CSTPP1: variants seen among roughly 807,000 people sequenced by gnomAD.
The protein encoded by CSTPP1 is centriolar satellite-associated tubulin polyglutamylase complex regulator 1.
the CSTPP1 span, among the ~76,000 whole-genome samples, chr11:47,133,517 C>G: frequency 6.6e-6 from 1 of 152,222 alleles, no homozygotes; most frequent in African/African-American, 2.4e-5. Flanking sequence ...ACGGTGTGGC[C>G]ACCAGCACAG....
At chr11:47,079,313 A>G in the CSTPP1 span, among the ~76,000 whole-genome samples, 1 of 152,212 alleles carries the variant, frequency 6.6e-6, no homozygotes, top group African/African-American at 2.4e-5. Flanking sequence ...GCAGAAGAGA[A>G]GTGACATCAT....
the CSTPP1 span, among the ~76,000 whole-genome samples, chr11:47,119,780 T>G: frequency 6.6e-6 from 1 of 151,832 alleles, no homozygotes; most frequent in South Asian, 2.1e-4. Context: ...CCCAGCTAAT[T>G]TTGTATTTTT....
At chr11:47,013,477 C>G in the CSTPP1 span, among the ~76,000 whole-genome samples, 1 of 152,170 alleles carries the variant, frequency 6.6e-6, no homozygotes, top group African/African-American at 2.4e-5. Context: ...TCATCTCCCA[C>G]TTGTAAGTGA....
At chr11:47,161,010 G>C in the CSTPP1 span, 7 of 1,339,490 alleles carry the variant, frequency 5.2e-6, no homozygotes, top group Non-Finnish European at 6.3e-6. Context: ...CAGATCTTTA[G>C]ATCGGCCCTC....
At chr11:47,155,244 T>A in the CSTPP1 span, 1 of 1,613,812 alleles carries the variant, frequency 6.2e-7, no homozygotes, top group East Asian at 2.2e-5. Context: ...GCCTTCCAGA[T>A]CCAGTTTTAC....
chr11:47,135,318 C>A, the CSTPP1 span, among the ~76,000 whole-genome samples: 1 of 152,050 alleles, frequency 6.6e-6, no homozygotes, highest in Non-Finnish European at 1.5e-5. Flanking sequence ...GTGTCAGTGT[C>A]ACTTGCATTT....
chr11:47,141,086 A>G, the CSTPP1 span, among the ~76,000 whole-genome samples: 1 of 152,180 alleles, frequency 6.6e-6, no homozygotes, highest in Non-Finnish European at 1.5e-5. Flanking sequence ...TTTCTTTTTA[A>G]CAGCTTTTTG....
At chr11:47,043,685 T>G in the CSTPP1 span, among the ~76,000 whole-genome samples, 1 of 152,086 alleles carries the variant, frequency 6.6e-6, no homozygotes, top group Non-Finnish European at 1.5e-5. Context: ...ACAAAAATAG[T>G]TGAACATTTA....
chr11:47,149,947 A>G, the CSTPP1 span, among the ~76,000 whole-genome samples: 1 of 152,034 alleles, frequency 6.6e-6, no homozygotes, highest in Non-Finnish European at 1.5e-5. Context: ...CCTAGAACTA[A>G]GCAGCTTGAA....
chr11:47,031,696 C>CTTTTTTTTTTTTTTTTTT, the CSTPP1 span, among the ~76,000 whole-genome samples: 1 of 136,068 alleles, frequency 7.3e-6, no homozygotes. Flanking sequence ...AACCCCATCT[C>CTTTTTTTTTTTTTTTTTT]TTTTTTTTTT....
chr11:47,157,307 C>T, the CSTPP1 span: 48 of 1,392,636 alleles, frequency 3.4e-5, no homozygotes, highest in Middle Eastern at 2.6e-4. Context: ...ATGTTCTGCG[C>T]GGCCCAGGCA....
the CSTPP1 span, among the ~76,000 whole-genome samples, chr11:46,947,812 G>A: frequency 6.6e-6 from 1 of 152,130 alleles, no homozygotes; most frequent in African/African-American, 2.4e-5. Context: ...TTGTGCCCCA[G>A]GACTTCAGAT....
At chr11:47,005,245 A>G in the CSTPP1 span, among the ~76,000 whole-genome samples, 1 of 152,314 alleles carries the variant, frequency 6.6e-6, no homozygotes, top group African/African-American at 2.4e-5. Context: ...AGACCATGTA[A>G]GCCTGATCAC....
At chr11:47,078,033 G>A in the CSTPP1 span, among the ~76,000 whole-genome samples, 1 of 152,126 alleles carries the variant, frequency 6.6e-6, no homozygotes, top group Non-Finnish European at 1.5e-5. Flanking sequence ...CTGAATATTG[G>A]TAAGCCAAAA....
the CSTPP1 span, among the ~76,000 whole-genome samples, chr11:46,985,811 T>C: frequency 6.6e-6 from 1 of 152,208 alleles, no homozygotes; most frequent in Non-Finnish European, 1.5e-5. Context: ...GTACCATTAT[T>C]ATCCCCATTT....
At chr11:47,133,454 C>T in the CSTPP1 span, among the ~76,000 whole-genome samples, 1 of 152,168 alleles carries the variant, frequency 6.6e-6, no homozygotes, top group East Asian at 1.9e-4. Flanking sequence ...ACTTACCTCC[C>T]CTGCACCTGC....
chr11:46,943,648 A>G, the CSTPP1 span, among the ~76,000 whole-genome samples: 26 of 152,326 alleles, frequency 1.7e-4, no homozygotes, highest in African/African-American at 6.0e-4. Flanking sequence ...ATTGACAATC[A>G]TCTTTGTACT....
the CSTPP1 span, among the ~76,000 whole-genome samples, chr11:46,990,756 T>A: frequency 7.2e-5 from 11 of 152,194 alleles, no homozygotes; most frequent in African/African-American, 2.4e-4. Context: ...ATTTTTATAG[T>A]TTGAGATCTT....
chr11:47,016,928 C>T, the CSTPP1 span, among the ~76,000 whole-genome samples: 3 of 147,774 alleles, frequency 2.0e-5, no homozygotes, highest in Non-Finnish European at 4.5e-5. Context: ...CTGCAGGCTC[C>T]GCCTCCCAGG....
Sources: allele counts gnomAD v4.1 joint callset (sites outside exome capture counted in the v4.1 genomes callset), GRCh38; gene constraint gnomAD v4.1.1; transcripts MANE v1.5; gene names NCBI Gene and HGNC (gene_info 2026-07-23, HGNC 2026-07-21).